The following COPG2 variants were observed in gnomAD, a reference collection of about 807,000 sequenced individuals.
COPG2 encodes coatomer subunit gamma-2.
COPG2 carries 37 observed loss-of-function variants against 46.3 expected under a neutral mutation model. The ratio of observed to expected loss-of-function variants is 0.80; its 90% CI spans 0.61 to 1.05. COPG2 has a LOEUF of 1.05. COPG2 is among the 50% of genes least tolerant of loss of function. The pLI is 0.00. For missense variants in COPG2, 427 were observed against 387.8 expected (o/e 1.10, Z -0.85); for synonymous variants, 159 against 129.7 (o/e 1.23, Z -1.53).
At chr7:130,557,824 A>AAAAAAAAAAC (rs1793653078) in intron 12 of COPG2, among the ~76,000 whole-genome samples, 1 of 146,884 alleles carries the variant, frequency 6.8e-6, no homozygotes, top group African/African-American at 2.5e-5. Flanking sequence ...TCTCAAAAAA[A>AAAAAAAAAAC]AAAAAAAAAA....
At chr7:130,512,226 T>C (rs180688011) in intron 20 of COPG2, among the ~76,000 whole-genome samples, 154 of 151,558 alleles carry the variant, frequency 1.0e-3, no homozygotes, top group African/African-American at 3.6e-3. Flanking sequence ...TACACAACTC[T>C]CCTTGTTAAT....
In COPG2 at chr7:130,651,428, C is replaced by T. The variant is rs187085735; in HGVS notation, c.323+1441G>A. Among the ~76,000 whole-genome samples, 310 of 151,272 alleles carry T rather than the reference C, an allele frequency of 2.0e-3. 2 individuals are homozygous for T. Among genetic ancestry groups the T allele is most frequent in the Middle Eastern group, 6.8e-3 (2 of 294 alleles). On this transcript the variant is annotated intron_variant, in intron 5 of 23. Transcript: ENST00000425248. The stretch of plus-strand genomic sequence containing the variant: ...ACCTCCCAGGCTCCAGCGATTCTCC[C>T]GCCTCAGCCTCCCAAGTAGCTGGAA...
At chr7:130,552,774 T>C (rs1793552817) in intron 14 of COPG2, among the ~76,000 whole-genome samples, 2 of 152,142 alleles carry the variant, frequency 1.3e-5, no homozygotes. Context: ...TAAAAAGAAA[T>C]TCTATTATTA....
chr7:130,526,444 C>G (rs931975509), intron 20 of COPG2, among the ~76,000 whole-genome samples: 1 of 151,812 alleles, frequency 6.6e-6, no homozygotes, highest in African/African-American at 2.4e-5. Context: ...GAAATGTGGA[C>G]GCAAGGGGAA....
chr7:130,587,495 T>G (rs1317632939), intron 9 of COPG2, among the ~76,000 whole-genome samples: 4 of 152,020 alleles, frequency 2.6e-5, no homozygotes, highest in African/African-American at 9.7e-5. Context: ...TTGTACAATA[T>G]TCACCTTTAA....
intron 9 of COPG2, among the ~76,000 whole-genome samples, chr7:130,580,279 G>T (rs1305855404): frequency 6.7e-6 from 1 of 149,330 alleles, no homozygotes; most frequent in Non-Finnish European, 1.5e-5. Flanking sequence ...CAGAAATAAA[G>T]ATGTTCTTTG....
intron 4 of COPG2, among the ~76,000 whole-genome samples, 159 bp downstream of exon 4, chr7:130,662,808 C>T (rs1453166571): frequency 6.6e-6 from 1 of 152,178 alleles, no homozygotes; most frequent in Admixed American, 6.5e-5. Context: ...TTAATTCTTC[C>T]ATTTTCACGT....
At chr7:130,603,686 A>C (rs933441614) in intron 9 of COPG2, 1 of 362,656 alleles carries the variant, frequency 2.8e-6, no homozygotes, top group Non-Finnish European at 5.2e-6. Flanking sequence ...GCACCATTAC[A>C]CTCTGGCCTG....
Position 130,547,694 on chromosome 7 carries a change from G to A in COPG2, c.2129C>T (p.Pro710Leu). The stretch of plus-strand genomic sequence containing the variant: ...AGTACCTGCTGTAGGGTCATCATCA[G>A]GCAAACGAACAAGAGTGTAACATAT... ...PGICYTLVRL[P>L]DDDPTAVAGS... The change falls in exon 20 of 24, where the codon CCT becomes CTT. Residue 710 changes from proline to leucine, a missense_variant. Pro to Leu is a moderately conservative substitution (Grantham distance 98). Transcript: ENST00000425248. 1 of 398,562 alleles carries A rather than the reference G, an allele frequency of 2.5e-6. No homozygotes were observed. The allele number at this position is 398,562 out of a possible 1,614,324, so 24.7% of individuals were successfully genotyped here.
At chr7:130,602,375 T>C (rs1211772424) in intron 9 of COPG2, among the ~76,000 whole-genome samples, 1 of 152,148 alleles carries the variant, frequency 6.6e-6, no homozygotes, top group East Asian at 1.9e-4. Context: ...ATATCTATAA[T>C]ATTACAATAA....
chr7:130,542,849 AG>A (rs1190114470), intron 20 of COPG2, among the ~76,000 whole-genome samples: 2 of 152,162 alleles, frequency 1.3e-5, no homozygotes, highest in Non-Finnish European at 2.9e-5. Context: ...GACATGGAAT[AG>A]GGGAAGGTGG....
intron 12 of COPG2, among the ~76,000 whole-genome samples, chr7:130,557,828 A>AAAAAAAC (rs1793653757): frequency 6.8e-6 from 1 of 147,612 alleles, no homozygotes; most frequent in African/African-American, 2.5e-5. Context: ...AAAAAAAAAA[A>AAAAAAAC]AAAAAAAAAA....
At chr7:130,597,303 T>C (rs1794547984) in intron 9 of COPG2, among the ~76,000 whole-genome samples, 1 of 152,210 alleles carries the variant, frequency 6.6e-6, no homozygotes, top group South Asian at 2.1e-4. Context: ...TGGGACTATC[T>C]GGGTGTATCT....
chr7:130,662,971 T>G lies in COPG2; in HGVS notation c.239A>C (p.Asn80Thr). The change falls in exon 4 of 24, where the codon AAT (asparagine) becomes ACT (threonine). Residue 80 changes from asparagine to threonine, a missense_variant. Asn to Thr is a moderately conservative substitution (Grantham distance 65, BLOSUM62 0). Transcript: ENST00000425248. ...AAAAAATTTAAAAAGACTTACATCA[T>G]TAGATTGAAACAATCGCGTCATTGC... ...FFAMTRLFQS[N>T]DQTLRRMCYL... 1 of 1,541,344 alleles carries G rather than the reference T, an allele frequency of 6.5e-7. No homozygotes were observed. The highest frequency in any genetic ancestry group is 8.8e-7 in the Non-Finnish European group (1 of 1,140,126).
chr7:130,661,834 C>G (rs1355049685), intron 4 of COPG2, among the ~76,000 whole-genome samples: 1 of 152,172 alleles, frequency 6.6e-6, no homozygotes, highest in Non-Finnish European at 1.5e-5. Flanking sequence ...TTTAAAAGCA[C>G]TACTCAAATC....
chr7:130,632,314 T>G (rs1795248500), intron 5 of COPG2, among the ~76,000 whole-genome samples: 1 of 152,228 alleles, frequency 6.6e-6, no homozygotes, highest in Admixed American at 6.5e-5. Flanking sequence ...GATTTTCTGA[T>G]GAGAAACCCA....
chr7:130,664,085 C>T (rs1211479764), intron 3 of COPG2, among the ~76,000 whole-genome samples: 2 of 152,112 alleles, frequency 1.3e-5, no homozygotes, highest in Non-Finnish European at 2.9e-5. Flanking sequence ...GATCTGGGAA[C>T]TACATTTTCT....
In COPG2 at chr7:130,507,282, T is replaced by C. The variant is rs782050718; in HGVS notation, c.2477A>G (p.Tyr826Cys). 4 of 780,704 alleles carry C rather than the reference T, an allele frequency of 5.1e-6. No homozygotes were observed. The highest frequency in any genetic ancestry group is 9.6e-6 in the Non-Finnish European group (4 of 417,840). The allele number at this position is 780,704 out of a possible 1,614,324, so 48.4% of individuals were successfully genotyped here. Residue 826 changes from tyrosine to cysteine, a missense_variant, in exon 23 of 24, where the codon TAT becomes TGT. Coordinates refer to ENST00000425248, the MANE Select transcript of COPG2 (RefSeq NM_012133.6). ...VPENKNSHSL[Y>C]LAGIFRGGYD... ...TGATGGAAGCTTCTTACCTGCCAGA[T>C]AGAGCGAATGGGAATTCTTGTTCTC...
intron 6 of COPG2, among the ~76,000 whole-genome samples, chr7:130,615,980 C>T (rs1287401866): frequency 6.6e-6 from 1 of 152,094 alleles, no homozygotes; most frequent in East Asian, 1.9e-4. Context: ...AAAGACAAGC[C>T]TTTTCAAATT....
Sources: gnomAD v4.1 joint callset for allele counts (sites outside exome capture counted in the v4.1 genomes callset) on GRCh38, gnomAD v4.1.1 for gene constraint, MANE v1.5 for transcripts, NCBI Gene and HGNC (gene_info 2026-07-23, HGNC 2026-07-21) for gene names.